ICA1L: variants seen among roughly 807,000 people sequenced by gnomAD.
ICA1L encodes islet cell autoantigen 1 like.
Under a neutral mutation model 61.3 loss-of-function variants are expected in ICA1L, and 50 were observed. The ratio of observed to expected loss-of-function variants is 0.82; its 90% confidence interval spans 0.65 to 1.03. The LOEUF is 1.03. ICA1L is among the 50% of genes least tolerant of loss of function. The probability of loss-of-function intolerance (pLI) is 0.00; values close to 1 mark genes in which losing one functional copy is unlikely to be tolerated. For missense variants in ICA1L, 508 were observed against 556.7 expected (o/e 0.91, Z 0.88); for synonymous variants, 161 against 191.3 (o/e 0.84, Z 1.31).
At chr2:202,791,775 G>T (rs772723824) in intron 10 of ICA1L, among the ~76,000 whole-genome samples, 1 of 152,156 alleles carries the variant, frequency 6.6e-6, no homozygotes, top group Non-Finnish European at 1.5e-5. Context: ...AACTTGGGAG[G>T]TGGAGGTTGC....
At chr2:202,861,837 T>C (rs1325382959) in intron 1 of ICA1L, among the ~76,000 whole-genome samples, 2 of 126,194 alleles carry the variant, frequency 1.6e-5, no homozygotes, top group African/African-American at 6.0e-5. Context: ...TAAGCCGAGA[T>C]CATGCTACTG....
chr2:202,810,995 T>TTAGC (rs946518529), intron 9 of ICA1L, among the ~76,000 whole-genome samples: 1 of 152,180 alleles, frequency 6.6e-6, no homozygotes, highest in African/African-American at 2.4e-5. Flanking sequence ...CGAAACTTCA[T>TTAGC]TAGCAATTTT....
At chr2:202,870,860 C>G (rs1022152282) in intron 1 of ICA1L, 1 of 152,210 alleles carries the variant, frequency 6.6e-6, no homozygotes, top group South Asian at 2.1e-4. Context: ...GGGTGAGCTG[C>G]CAGGATGGAC....
chr2:202,780,937 T>C (rs1019144300), intron 12 of ICA1L, among the ~76,000 whole-genome samples: 2 of 152,176 alleles, frequency 1.3e-5, no homozygotes, highest in Non-Finnish European at 2.9e-5. Flanking sequence ...TCAGGATACA[T>C]GAGACTAAAT....
intron 9 of ICA1L, among the ~76,000 whole-genome samples, chr2:202,801,094 T>A (rs1376887729): frequency 1.3e-5 from 2 of 152,140 alleles, no homozygotes; most frequent in African/African-American, 4.8e-5. Flanking sequence ...AGAAGAATAA[T>A]CCTGGTTGTG....
intron 1 of ICA1L, among the ~76,000 whole-genome samples, chr2:202,857,000 A>C (rs944698676): frequency 6.6e-6 from 1 of 152,218 alleles, no homozygotes; most frequent in Non-Finnish European, 1.5e-5. Context: ...ACAAATGCAA[A>C]GACATTCCAA....
intron 8 of ICA1L, among the ~76,000 whole-genome samples, chr2:202,814,258 T>C (rs1392424268): frequency 3.9e-5 from 6 of 152,172 alleles, no homozygotes; most frequent in Non-Finnish European, 8.8e-5. Flanking sequence ...CTCTCATGAA[T>C]GGTTTGGTGC....
intron 2 of ICA1L, among the ~76,000 whole-genome samples, chr2:202,828,307 A>C (rs1249871968): frequency 2.7e-5 from 4 of 150,034 alleles, no homozygotes; most frequent in Non-Finnish European, 4.4e-5. Flanking sequence ...TTTATATTAC[A>C]CTCTTCTCTA....
chr2:202,841,363 A>T, intron 1 of ICA1L: 2 of 854,722 alleles, frequency 2.3e-6, no homozygotes, highest in Non-Finnish European at 2.0e-6. Flanking sequence ...TAGCTCTCGA[A>T]CATGTTGTCC....
In ICA1L at chr2:202,835,215, CTTTTTTTT is replaced by C. The variant is rs544503963; in HGVS notation, c.-7-6207_-7-6200del. On this transcript the variant is annotated intron_variant, in intron 1 of 12. Transcript: ENST00000358299. ...ATGGCATTGTTTTATTGATTTCTTC[CTTTTTTTT>C]TTTTTTTTTTTTTTTGACAGAGTCT... Among the ~76,000 whole-genome samples the C allele has an allele frequency of 5.6e-4, 68 of 120,628 alleles. 1 individual carries two copies. Among genetic ancestry groups the C allele is most frequent in the South Asian group, 3.8e-3 (14 of 3,718 alleles). 79.1% of individuals were successfully genotyped at this position (120,628 alleles called of 152,430 possible).
At position 202,779,371 on chromosome 2, in the gene ICA1L, A is replaced by G. The variant is rs1031852071; in HGVS notation, c.*162T>C. On this transcript the variant is annotated 3_prime_UTR_variant, in exon 13 of 13. Transcript: ENST00000358299. ...TCCAAGATATGAAAGATGTGTACTT[A>G]TTCAAATGTGGTCTTTACCATCTGT... 6.0e-6 allele frequency: 3 copies of G among 496,810 alleles called. No individual in the cohort carries two copies. The highest frequency in any genetic ancestry group is 1.1e-5 in the Non-Finnish European group (3 of 282,684). 30.8% of individuals were successfully genotyped at this position (496,810 alleles called of 1,614,324 possible).
intron 9 of ICA1L, among the ~76,000 whole-genome samples, chr2:202,798,256 C>T (rs1015209809): frequency 6.6e-6 from 1 of 151,930 alleles, no homozygotes; most frequent in South Asian, 2.1e-4. Flanking sequence ...GAGAAAGGGT[C>T]ATGCTCTGTT....
rs1229147309 is a variant in ICA1L at position 202,849,453 on chromosome 2, G to GC, written c.-7-20438dup. ...ACGATCAAGCTTGGTGGGGGCAGGG[G>GC]CATCTGCCATTACTGAGGCTTGAGT... On this transcript the variant is annotated intron_variant, in intron 1 of 12. Coordinates refer to ENST00000358299, the MANE Select transcript of ICA1L (RefSeq NM_001288622.3). The surrounding 1 kb of genome is among the most constrained non-coding windows in gnomAD (Gnocchi z 4.5). Among the ~76,000 whole-genome samples the GC allele has an allele frequency of 2.0e-5, 3 of 152,194 alleles. No homozygotes were observed. The highest frequency in any genetic ancestry group is 7.2e-5 in the African/African-American group (3 of 41,456).
At position 202,847,695 on chromosome 2, in the gene ICA1L, T is replaced by TTATATATA. The variant is rs80134434; in HGVS notation, c.-7-18687_-7-18680dup. Among the ~76,000 whole-genome samples, 22 of 102,238 alleles carry TTATATATA rather than the reference T, an allele frequency of 2.2e-4. 3 individuals carry two copies. The highest frequency in any genetic ancestry group is 3.0e-4 in the African/African-American group (7 of 23,304). The allele number at this position is 102,238 out of a possible 152,430, so 67.1% of individuals were successfully genotyped here. On this transcript the variant is annotated intron_variant, in intron 1 of 12. Transcript: ENST00000358299. The stretch of plus-strand genomic sequence containing the variant: ...CTTAGAATGAAATATTATATGGGAA[T>TTATATATA]TATATATATATATAGTTAAGCAGTG...
intron 12 of ICA1L, among the ~76,000 whole-genome samples, chr2:202,785,022 AT>A (rs1325832930): frequency 6.6e-6 from 1 of 152,068 alleles, no homozygotes; most frequent in African/African-American, 2.4e-5. Context: ...GATCGAGACC[AT>A]CCTGGGTAGC....
chr2:202,797,385 A>G (rs921751799), intron 9 of ICA1L, among the ~76,000 whole-genome samples: 4 of 152,194 alleles, frequency 2.6e-5, no homozygotes, highest in Non-Finnish European at 5.9e-5. Context: ...TATGGCCTAC[A>G]ATTTTATTAT....
chr2:202,847,176 C>T (rs1316830836), intron 1 of ICA1L, among the ~76,000 whole-genome samples: 1 of 152,152 alleles, frequency 6.6e-6, no homozygotes, highest in Non-Finnish European at 1.5e-5. Flanking sequence ...ATATTCCAGA[C>T]ATAATCTAAT....
At chr2:202,850,250 G>C (rs10207567) in intron 1 of ICA1L, among the ~76,000 whole-genome samples, 120,889 of 151,944 alleles carry the variant, frequency 0.8, 48,505 homozygotes, top group East Asian at 0.91. Flanking sequence ...TCCAAATGAT[G>C]AAACTCCTCT....
At chr2:202,796,284 CTG>C (rs1341512138) in intron 10 of ICA1L, among the ~76,000 whole-genome samples, 1 of 151,978 alleles carries the variant, frequency 6.6e-6, no homozygotes, top group African/African-American at 2.4e-5. Context: ...ACCAATTGGA[CTG>C]TATTTAAAAG....
Sources: gnomAD v4.1 joint callset for allele counts (sites outside exome capture counted in the v4.1 genomes callset) on GRCh38, gnomAD v4.1.1 for gene constraint, Gnocchi (gnomAD v3.1) non-coding constraint, MANE v1.5 for transcripts, NCBI Gene and HGNC (gene_info 2026-07-23, HGNC 2026-07-21) for gene names.